Variants in PCDHA4 observed in about 807,000 individuals in gnomAD.
PCDHA4 encodes the protein protocadherin alpha-4.
Under a neutral mutation model 61.4 loss-of-function variants are expected in PCDHA4, and 49 were observed. That is an observed-to-expected ratio of 0.80 (90% CI 0.63 to 1.01). The LOEUF is 1.01. Ranked by LOEUF, PCDHA4 falls within the 50% of genes least tolerant of loss-of-function variation. The probability of loss-of-function intolerance (pLI) is 0.00; values close to 1 mark genes in which losing one functional copy is unlikely to be tolerated. For synonymous variants in PCDHA4, 590 were observed against 550.3 expected, an observed-to-expected ratio of 1.07 and a Z score of -1.01; for missense variants, 1,254 against 1,235.8, an observed-to-expected ratio of 1.01 and a Z score of -0.22.
chr5:140,987,589 G>A (rs1554249335), intron 3 of PCDHA4, among the ~76,000 whole-genome samples: 1 of 152,180 alleles, frequency 6.6e-6, no homozygotes, highest in Non-Finnish European at 1.5e-5. Context: ...GGGGAGAATA[G>A]TGGTGTCTAC....
At chr5:140,812,178 T>C (rs1354960271) in intron 1 of PCDHA4, 1 of 152,072 alleles carries the variant, frequency 6.6e-6, no homozygotes, top group Non-Finnish European at 1.5e-5. Context: ...AGGTTTGGAT[T>C]ACTGATTCAA....
At chr5:140,884,006 C>A in intron 1 of PCDHA4, 1 of 1,613,022 alleles carries the variant, frequency 6.2e-7, no homozygotes, top group Non-Finnish European at 8.5e-7. Context: ...AGTGAGCGAG[C>A]TGATGCCGCG....
chr5:140,858,133 C>T, intron 1 of PCDHA4: 1 of 1,597,688 alleles, frequency 6.3e-7, no homozygotes, highest in Non-Finnish European at 8.6e-7. Context: ...TGGATGTCAA[C>T]GTGTACCTGA....
At chr5:140,938,719 T>A (rs1484492024) in intron 1 of PCDHA4, among the ~76,000 whole-genome samples, 2 of 152,098 alleles carry the variant, frequency 1.3e-5, no homozygotes, top group African/African-American at 4.8e-5. Context: ...TAGAAACGCG[T>A]TTCTACAGAA....
At chr5:140,975,130 G>C (rs1445050521) in intron 1 of PCDHA4, among the ~76,000 whole-genome samples, 1 of 152,082 alleles carries the variant, frequency 6.6e-6, no homozygotes, top group Non-Finnish European at 1.5e-5. Flanking sequence ...CTTACTATTG[G>C]CCTGGGGTCA....
chr5:140,981,264 C>T (rs2096925155), intron 2 of PCDHA4, among the ~76,000 whole-genome samples: 1 of 152,128 alleles, frequency 6.6e-6, no homozygotes, highest in Non-Finnish European at 1.5e-5. Flanking sequence ...TCAAGATAAG[C>T]AAATGTCTAG....
intron 1 of PCDHA4, chr5:140,836,234 T>A: frequency 6.2e-7 from 1 of 1,613,668 alleles, no homozygotes; most frequent in Non-Finnish European, 8.5e-7. Context: ...TGGCGGCCGG[T>A]GCGAGCATCC....
At chr5:140,979,564 A>G (rs1267870261) in intron 2 of PCDHA4, among the ~76,000 whole-genome samples, 2 of 152,222 alleles carry the variant, frequency 1.3e-5, no homozygotes, top group Non-Finnish European at 2.9e-5. Context: ...AAGATGAGCC[A>G]TGTAAAGGGC....
chr5:140,853,046 T>G (rs546337330), intron 1 of PCDHA4: 2 of 266,574 alleles, frequency 7.5e-6, no homozygotes, highest in Non-Finnish European at 1.2e-5. Flanking sequence ...GCCCGCCTAA[T>G]TTTTTTGTAT....
chr5:140,807,304 C>T lies in PCDHA4; in HGVS notation c.117C>T (p.Ala39=). The T allele has an allele frequency of 6.2e-7, 1 of 1,614,150 alleles. No homozygotes were observed. Among genetic ancestry groups the T allele is most frequent in the Non-Finnish European group, 8.5e-7 (1 of 1,180,040 alleles). Reference sequence around the variant, plus strand: ...TCCACTACTCGGTCTCCGAGGAGGCCAAACACGGCACCTTCGTGGGCCGCA... The same window carrying T: ...TCCACTACTCGGTCTCCGAGGAGGCTAAACACGGCACCTTCGTGGGCCGCA... ...GQLHYSVSEE[A]KHGTFVGRIA... The change falls in exon 1 of 4, where the codon GCC becomes GCT. Residue 39 remains alanine, a synonymous_variant. Coordinates refer to ENST00000530339, the MANE Select transcript of PCDHA4 (RefSeq NM_018907.4).
At chr5:140,884,385 C>A (rs1554181508) in intron 1 of PCDHA4, 1 of 1,613,992 alleles carries the variant, frequency 6.2e-7, no homozygotes, top group Non-Finnish European at 8.5e-7. Context: ...GCCATCTGCG[C>A]GGTGTCCAGC....
chr5:140,916,721 T>G (rs2077698319), intron 1 of PCDHA4, among the ~76,000 whole-genome samples: 1 of 152,186 alleles, frequency 6.6e-6, no homozygotes, highest in Non-Finnish European at 1.5e-5. Context: ...AAGGAGTGAC[T>G]TTTGTTGCTG....
chr5:140,969,228 G>C, intron 1 of PCDHA4: 1 of 1,614,176 alleles, frequency 6.2e-7, no homozygotes, highest in Non-Finnish European at 8.5e-7. Flanking sequence ...GGGCCTTCGG[G>C]AGCCCAAGCA....
At chr5:140,874,926 A>C (rs1282020251) in intron 1 of PCDHA4, among the ~76,000 whole-genome samples, 1 of 152,228 alleles carries the variant, frequency 6.6e-6, no homozygotes, top group Non-Finnish European at 1.5e-5. Flanking sequence ...GTGAAGGTTA[A>C]AAGTTATTGA....
intron 1 of PCDHA4, chr5:140,841,711 GC>G (rs2150321418): frequency 1.9e-6 from 3 of 1,613,890 alleles, no homozygotes; most frequent in Non-Finnish European, 1.7e-6. Context: ...ATGACAACCC[GC>G]CAGTGTTCCG....
chr5:140,870,089 T>C (rs782364525), intron 1 of PCDHA4: 4 of 1,613,796 alleles, frequency 2.5e-6, no homozygotes, highest in Non-Finnish European at 3.4e-6. Flanking sequence ...ACTCCCCCAA[T>C]GGCAGGTCAC....
chr5:140,899,127 C>T (rs1487430888), intron 1 of PCDHA4, among the ~76,000 whole-genome samples: 16 of 152,302 alleles, frequency 1.1e-4, no homozygotes, highest in African/African-American at 3.9e-4. Context: ...ACAATCATGT[C>T]TTCTGCAAAC....
At chr5:140,910,399 T>G (rs1461842314) in intron 1 of PCDHA4, among the ~76,000 whole-genome samples, 1 of 152,172 alleles carries the variant, frequency 6.6e-6, no homozygotes, top group East Asian at 1.9e-4. Context: ...GACTGGCCCC[T>G]GCCACCTCGA....
At chr5:140,924,881 C>T (rs1177812297) in intron 1 of PCDHA4, among the ~76,000 whole-genome samples, 20 of 141,170 alleles carry the variant, frequency 1.4e-4, no homozygotes, top group African/African-American at 5.5e-4. Flanking sequence ...GGTGACAGAG[C>T]AAGAACCTGT....
Sources: allele counts gnomAD v4.1 joint callset (sites outside exome capture counted in the v4.1 genomes callset), GRCh38; gene constraint gnomAD v4.1.1; transcripts MANE v1.5; gene names NCBI Gene and HGNC (gene_info 2026-07-23, HGNC 2026-07-21).